Variants in RTL4 observed in about 807,000 individuals in gnomAD.
RTL4 encodes the protein retrotransposon Gag-like protein 4.
RTL4 carries 4 observed loss-of-function variants against 5.3 expected under a neutral mutation model. The ratio of observed to expected loss-of-function variants is 0.75; its 90% CI spans 0.37 to 1.72. The LOEUF (loss-of-function observed/expected upper bound fraction) is 1.72, where lower values mean the gene tolerates loss of function less well. Ranked by LOEUF, RTL4 falls within the 40% of genes most tolerant of loss-of-function variation. The pLI is 0.04. For synonymous variants in RTL4, 98 were observed against 87.3 expected, an observed-to-expected ratio of 1.12 and a Z score of -0.68; for missense variants, 260 against 227.1, an observed-to-expected ratio of 1.14 and a Z score of -0.93.
At chrX:112,087,316 G>C in the RTL4 span, among the ~76,000 whole-genome samples, 1 of 105,895 alleles carries the variant, frequency 9.4e-6, no homozygotes. Flanking sequence ...CCCAGGAGTA[G>C]ATTGGTCTTC....
At chrX:112,387,345 C>A in the RTL4 span, among the ~76,000 whole-genome samples, 1 of 102,337 alleles carries the variant, frequency 9.8e-6, no homozygotes, top group African/African-American at 3.9e-5. Context: ...TAATTAAGTC[C>A]CACCTATTTA....
At chrX:112,228,363 A>G in the RTL4 span, among the ~76,000 whole-genome samples, 6 of 111,971 alleles carry the variant, frequency 5.4e-5, no homozygotes, top group Middle Eastern at 4.6e-3. Context: ...TTTAATTGTA[A>G]CACAGTGAAG....
the RTL4 span, among the ~76,000 whole-genome samples, chrX:112,098,640 A>G: frequency 9.0e-6 from 1 of 111,282 alleles, no homozygotes; most frequent in Non-Finnish European, 1.9e-5. Context: ...TGACTTTTTA[A>G]TGATCACCAT....
the RTL4 span, among the ~76,000 whole-genome samples, chrX:112,297,622 T>A: frequency 2.7e-5 from 3 of 111,325 alleles, no homozygotes; most frequent in Admixed American, 1.9e-4. Flanking sequence ...AGCATGAGAT[T>A]TGGGTGGGGG....
chrX:112,407,382 G>A, the RTL4 span, among the ~76,000 whole-genome samples: 1 of 111,632 alleles, frequency 9.0e-6, no homozygotes, highest in African/African-American at 3.3e-5. Flanking sequence ...CTGTGGGCCT[G>A]TGGTGGCAGT....
At chrX:112,211,762 T>G in the RTL4 span, among the ~76,000 whole-genome samples, 5 of 112,536 alleles carry the variant, frequency 4.4e-5, no homozygotes, top group Admixed American at 3.8e-4. Flanking sequence ...GTTAGTTGAA[T>G]GCTAAGTTAT....
the RTL4 span, among the ~76,000 whole-genome samples, chrX:112,236,039 A>G: frequency 9.0e-6 from 1 of 111,131 alleles, no homozygotes; most frequent in African/African-American, 3.3e-5. Flanking sequence ...CGGAGTAGGA[A>G]AAAGTTGAAG....
chrX:112,163,935 G>T, the RTL4 span, among the ~76,000 whole-genome samples: 1 of 111,661 alleles, frequency 9.0e-6, no homozygotes, highest in Non-Finnish European at 1.9e-5. Flanking sequence ...TCTGGGAATG[G>T]CGCAAGTAGT....
At chrX:112,219,768 A>G in the RTL4 span, among the ~76,000 whole-genome samples, 13 of 112,432 alleles carry the variant, frequency 1.2e-4, no homozygotes, top group East Asian at 3.3e-3. Context: ...ATACATTTGG[A>G]TATATTCTCA....
At chrX:112,236,449 A>ATAGATATAGATATATATCTATATC in the RTL4 span, among the ~76,000 whole-genome samples, 63 of 81,191 alleles carry the variant, frequency 7.8e-4, 2 homozygotes, top group African/African-American at 2.9e-3. Context: ...ATATCTATAT[A>ATAGATATAGATATATATCTATATC]TAGATATAGA....
At chrX:112,120,567 A>G in the RTL4 span, among the ~76,000 whole-genome samples, 2,279 of 98,689 alleles carry the variant, frequency 0.023, 65 homozygotes, top group African/African-American at 0.083. Flanking sequence ...GTGAGCCACC[A>G]CGCCCGGCTG....
At chrX:112,310,229 A>G in the RTL4 span, among the ~76,000 whole-genome samples, 1 of 96,534 alleles carries the variant, frequency 1.0e-5, no homozygotes, top group Non-Finnish European at 2.1e-5. Context: ...TAGAGCTCTC[A>G]TGATAGGATT....
chrX:112,376,700 C>T, the RTL4 span, among the ~76,000 whole-genome samples: 730 of 111,710 alleles, frequency 6.5e-3, 4 homozygotes, highest in African/African-American at 0.022. Flanking sequence ...TTTGCACCGT[C>T]ATTTGTATCT....
chrX:112,374,673 A>G, the RTL4 span, among the ~76,000 whole-genome samples: 3 of 112,054 alleles, frequency 2.7e-5, no homozygotes, highest in African/African-American at 9.7e-5. Context: ...AAATTTTTCT[A>G]CAATTTTCTG....
At chrX:112,121,549 A>G in the RTL4 span, among the ~76,000 whole-genome samples, 1 of 112,096 alleles carries the variant, frequency 8.9e-6, no homozygotes, top group Non-Finnish European at 1.9e-5. Flanking sequence ...ATTTTAGAGG[A>G]CAGAAAAAGA....
chrX:112,225,026 A>T, the RTL4 span, among the ~76,000 whole-genome samples: 1 of 112,199 alleles, frequency 8.9e-6, no homozygotes, highest in African/African-American at 3.2e-5. Context: ...CCCAGCAGGT[A>T]ATTACTAATA....
At chrX:112,362,259 G>C in the RTL4 span, among the ~76,000 whole-genome samples, 4 of 111,902 alleles carry the variant, frequency 3.6e-5, no homozygotes, top group Non-Finnish European at 7.5e-5. Context: ...TGGACGTAGA[G>C]CAATGAACAA....
the RTL4 span, among the ~76,000 whole-genome samples, chrX:112,267,606 G>A: frequency 3.6e-5 from 4 of 111,648 alleles, no homozygotes; most frequent in African/African-American, 1.3e-4. Flanking sequence ...ATGATTCCAA[G>A]TTTATATCCT....
the RTL4 span, among the ~76,000 whole-genome samples, chrX:112,304,854 C>T: frequency 2.2e-4 from 24 of 109,258 alleles, no homozygotes; most frequent in African/African-American, 8.0e-4. Context: ...CATCCCACTC[C>T]TGCATCTCTC....
Sources: gnomAD v4.1 joint callset for allele counts (sites outside exome capture counted in the v4.1 genomes callset) on GRCh38, gnomAD v4.1.1 for gene constraint, MANE v1.5 for transcripts, NCBI Gene and HGNC (gene_info 2026-07-23, HGNC 2026-07-21) for gene names.